DAP: variants seen among roughly 807,000 people sequenced by gnomAD.
DAP encodes death-associated protein 1.
DAP carries 8 observed loss-of-function variants against 13.8 expected under a neutral mutation model. The ratio of observed to expected loss-of-function variants is 0.58; its 90% CI spans 0.34 to 1.05. The LOEUF (loss-of-function observed/expected upper bound fraction) is 1.05. Ranked by LOEUF, DAP falls within the 50% of genes least tolerant of loss-of-function variation. The pLI is 0.03. For missense variants in DAP, 106 were observed against 133.2 expected, an observed-to-expected ratio of 0.80 and a Z score of 1.01; for synonymous variants, 47 against 47.5, an observed-to-expected ratio of 0.99 and a Z score of 0.04.
At chr5:10,686,430 T>C (rs1033057330) in intron 2 of DAP, among the ~76,000 whole-genome samples, 2 of 152,152 alleles carry the variant, frequency 1.3e-5, no homozygotes, top group Non-Finnish European at 2.9e-5. Flanking sequence ...TTGCACCAAA[T>C]AGCCAAGTTG....
chr5:10,718,051 CA>C (rs1275863086), intron 2 of DAP, among the ~76,000 whole-genome samples: 2 of 152,164 alleles, frequency 1.3e-5, no homozygotes, highest in African/African-American at 4.8e-5. Context: ...ACTACATTAC[CA>C]ACAATTTATG....
chr5:10,703,408 G>T (rs191754795), intron 2 of DAP, among the ~76,000 whole-genome samples: 3 of 152,246 alleles, frequency 2.0e-5, no homozygotes, highest in Middle Eastern at 3.4e-3. Context: ...GCACAGGCAG[G>T]GGGGGTGTCA....
chr5:10,721,342 C>T (rs1224561902), intron 2 of DAP, among the ~76,000 whole-genome samples: 2 of 152,106 alleles, frequency 1.3e-5, no homozygotes, highest in African/African-American at 4.8e-5. Flanking sequence ...GGTCTTAGTT[C>T]CAAAGGGAGG....
At position 10,680,718 on chromosome 5, in the gene DAP, CCTT is replaced by C. The variant is rs1579779014; in HGVS notation, c.*335_*337del. 6.5e-7 allele frequency: 1 copy of C among 1,534,418 alleles called. No homozygotes were observed. Among genetic ancestry groups the C allele is most frequent in the Non-Finnish European group, 8.7e-7 (1 of 1,145,550 alleles). On this transcript the variant is annotated 3_prime_UTR_variant, in exon 4 of 4. Transcript: ENST00000230895. ...TTAATCTCATCTTCTCAAATGTGTG[CCTT>C]CTTGTTTTTAAGACCATAGACAAGG...
At chr5:10,728,398 AAGATTTAGACTG>A (rs1282155658) in intron 2 of DAP, among the ~76,000 whole-genome samples, 1 of 152,178 alleles carries the variant, frequency 6.6e-6, no homozygotes, top group Non-Finnish European at 1.5e-5. Context: ...TCCTGGGGGA[AAGATTTAGACTG>A]AGCCCAAAGG....
At chr5:10,722,576 A>ATACATG (rs1739177156) in intron 2 of DAP, among the ~76,000 whole-genome samples, 8 of 144,834 alleles carry the variant, frequency 5.5e-5, no homozygotes, top group African/African-American at 1.0e-4. Context: ...ATACATACAT[A>ATACATG]CATATATATA....
intron 2 of DAP, among the ~76,000 whole-genome samples, chr5:10,713,813 T>G (rs1392935789): frequency 6.6e-6 from 1 of 152,222 alleles, no homozygotes; most frequent in Non-Finnish European, 1.5e-5. Flanking sequence ...GGCGGGAACA[T>G]GCAAGTTCTC....
chr5:10,730,415 G>C (rs963415677), intron 2 of DAP, among the ~76,000 whole-genome samples: 4 of 150,552 alleles, frequency 2.7e-5, no homozygotes, highest in Admixed American at 1.3e-4. Context: ...GAGCCCCGGT[G>C]GGGGGGAATC....
Position 10,683,691 on chromosome 5 carries a change from A to C in DAP, c.153-120T>G, listed in dbSNP as rs1738088599. ...AGGGCGTGGAGGCAGAATGGGAAGC[A>C]AACCTCTCCTCTGCGTTATTTGTTG... On this transcript the variant is annotated intron_variant, in intron 2 of 3. Transcript: ENST00000230895. 1.5e-5 allele frequency: 13 copies of C among 875,222 alleles called. No individual in the cohort carries two copies. The South Asian group carries it at 1.8e-4, about 12-fold the overall frequency. 54.2% of individuals were successfully genotyped at this position (875,222 alleles called of 1,614,324 possible).
At chr5:10,711,886 G>A (rs1001583946) in intron 2 of DAP, among the ~76,000 whole-genome samples, 5 of 152,146 alleles carry the variant, frequency 3.3e-5, no homozygotes, top group African/African-American at 7.2e-5. Context: ...TTCCTCAAAC[G>A]CAGGACCAGG....
chr5:10,711,506 C>T (rs1738852217), intron 2 of DAP, among the ~76,000 whole-genome samples: 1 of 152,214 alleles, frequency 6.6e-6, no homozygotes, highest in African/African-American at 2.4e-5. Flanking sequence ...GACACACGTG[C>T]ACCTACCTCC....
chr5:10,725,062 T>G (rs1041869751), intron 2 of DAP, among the ~76,000 whole-genome samples: 3 of 152,206 alleles, frequency 2.0e-5, no homozygotes. Context: ...CTATCTCTGA[T>G]CACATTTGGA....
chr5:10,752,736 G>A (rs1167214705), intron 1 of DAP, among the ~76,000 whole-genome samples: 2 of 152,152 alleles, frequency 1.3e-5, no homozygotes, highest in Non-Finnish European at 2.9e-5. Context: ...GCAAGTTGCT[G>A]AAGCTCTCTG....
chr5:10,738,214 A>G (rs541227345), intron 2 of DAP, among the ~76,000 whole-genome samples: 3 of 152,390 alleles, frequency 2.0e-5, no homozygotes, highest in African/African-American at 7.2e-5. Flanking sequence ...CAAATACAGT[A>G]TATCTGCAGT....
At chr5:10,733,672 G>A (rs1739531210) in intron 2 of DAP, 1 of 152,218 alleles carries the variant, frequency 6.6e-6, no homozygotes, top group African/African-American at 2.4e-5. Context: ...CACCTGCCGA[G>A]AGAGAAGGGA....
At chr5:10,742,742 G>A (rs997890824) in intron 2 of DAP, among the ~76,000 whole-genome samples, 5 of 152,036 alleles carry the variant, frequency 3.3e-5, no homozygotes, top group African/African-American at 9.7e-5. Flanking sequence ...CCAAGGAACC[G>A]TGGTTCCTCT....
At chr5:10,694,072 G>A (rs893474610) in intron 2 of DAP, among the ~76,000 whole-genome samples, 1 of 150,956 alleles carries the variant, frequency 6.6e-6, no homozygotes. Flanking sequence ...CAGTCGGGTC[G>A]TCTGAGATCT....
chr5:10,757,103 C>G (rs181256282), intron 1 of DAP, among the ~76,000 whole-genome samples: 1 of 152,294 alleles, frequency 6.6e-6, no homozygotes, highest in African/African-American at 2.4e-5. Context: ...TAACACTCTT[C>G]AGAAGCCTTT....
intron 2 of DAP, among the ~76,000 whole-genome samples, chr5:10,699,223 C>T (rs770769619): frequency 1.3e-5 from 2 of 152,204 alleles, no homozygotes; most frequent in Admixed American, 6.5e-5. Flanking sequence ...TGTCTGTCTA[C>T]GGTGTTTATA....
Sources: gnomAD v4.1 joint callset for allele counts (sites outside exome capture counted in the v4.1 genomes callset) on GRCh38, gnomAD v4.1.1 for gene constraint, MANE v1.5 for transcripts, NCBI Gene and HGNC (gene_info 2026-07-23, HGNC 2026-07-21) for gene names.